Variants in DPYD observed in about 807,000 individuals in gnomAD.
DPYD encodes the protein dihydropyrimidine dehydrogenase [NADP(+)].
DPYD carries 109 observed loss-of-function variants against 116.2 expected under a neutral mutation model. The ratio of observed to expected loss-of-function variants is 0.94; its 90% confidence interval spans 0.80 to 1.10. DPYD has a LOEUF of 1.10. Ranked by LOEUF, DPYD falls within the 50% of genes least tolerant of loss-of-function variation. The pLI is 0.00. For missense variants in DPYD, 1,302 were observed against 1,254.5 expected (o/e 1.04, Z -0.57); for synonymous variants, 440 against 432.0 (o/e 1.02, Z -0.23).
At chr1:97,348,806 C>T (rs552107637) in intron 16 of DPYD, among the ~76,000 whole-genome samples, 37 of 152,010 alleles carry the variant, frequency 2.4e-4, no homozygotes, top group African/African-American at 7.2e-4. Flanking sequence ...ATGCAGTTGG[C>T]GGACAGAAGG....
At position 97,740,460 on chromosome 1, in the gene DPYD, C is replaced by A. The variant is rs757342874; in HGVS notation, c.253G>T (p.Ala85Ser). The A allele has an allele frequency of 3.1e-6, 5 of 1,612,908 alleles. No individual in the cohort carries two copies. The highest frequency in any genetic ancestry group is 3.4e-6 in the Non-Finnish European group (4 of 1,179,350). ...GTTGGACAGCTCTTCTGACACGGGG[C>A]ATCTGCACATTTCAGGCATCTAGGA... ...EAMRCLKCAD[A>S]PCQKSCPTNL... The change falls in exon 4 of 23, where the codon GCC becomes TCC. Residue 85 changes from alanine to serine, a missense_variant. Physicochemically the swap from Ala to Ser is moderately conservative, Grantham distance 99. Transcript: ENST00000370192.
chr1:97,203,459 C>A (rs1310134146), intron 19 of DPYD, among the ~76,000 whole-genome samples: 2 of 137,374 alleles, frequency 1.5e-5, no homozygotes, highest in Non-Finnish European at 3.1e-5. Context: ...AGGGGAATAT[C>A]ACACTCTGGG....
At chr1:97,667,784 T>A (rs1006495019) in intron 8 of DPYD, among the ~76,000 whole-genome samples, 1 of 152,148 alleles carries the variant, frequency 6.6e-6, no homozygotes, top group Non-Finnish European at 1.5e-5. Flanking sequence ...GGGAGCATTA[T>A]TCCCAATATC....
chr1:97,322,199 C>G (rs1238063421), intron 16 of DPYD, among the ~76,000 whole-genome samples: 1 of 142,838 alleles, frequency 7.0e-6, no homozygotes, highest in East Asian at 2.1e-4. Flanking sequence ...CTAACCTGCA[C>G]AATGTGCACA....
intron 20 of DPYD, among the ~76,000 whole-genome samples, chr1:97,135,909 A>T (rs1412136529): frequency 6.6e-6 from 1 of 152,162 alleles, no homozygotes; most frequent in Non-Finnish European, 1.5e-5. Flanking sequence ...ATTCCTCTAC[A>T]ATGGACTATG....
chr1:97,566,514 A>G (rs1418846908), intron 11 of DPYD, among the ~76,000 whole-genome samples: 3 of 152,168 alleles, frequency 2.0e-5, no homozygotes, highest in Non-Finnish European at 4.4e-5. Context: ...TTAATCCTTA[A>G]TAAGTCCCTT....
intron 3 of DPYD, among the ~76,000 whole-genome samples, chr1:97,810,624 G>A (rs371215858): frequency 1.3e-5 from 2 of 151,928 alleles, no homozygotes; most frequent in South Asian, 2.1e-4. Context: ...CATTACTTGA[G>A]CTCTAATATC....
chr1:97,133,077 C>G (rs1653458258), intron 20 of DPYD, among the ~76,000 whole-genome samples: 2 of 151,796 alleles, frequency 1.3e-5, no homozygotes, highest in Non-Finnish European at 1.5e-5. Flanking sequence ...TTTCTAGGTT[C>G]TTTTTTAGAT....
At chr1:97,619,701 T>A (rs1483461119) in intron 8 of DPYD, among the ~76,000 whole-genome samples, 1 of 152,204 alleles carries the variant, frequency 6.6e-6, no homozygotes, top group East Asian at 1.9e-4. Flanking sequence ...TTCCTTGCTC[T>A]TGGTATCTTT....
chr1:97,452,535 T>C (rs1676474369), intron 13 of DPYD, among the ~76,000 whole-genome samples: 1 of 152,036 alleles, frequency 6.6e-6, no homozygotes, highest in Non-Finnish European at 1.5e-5. Flanking sequence ...TTTGATATAG[T>C]TTGGATGTAT....
At chr1:97,832,045 T>TTGTGTGTG (rs35795641) in intron 2 of DPYD, among the ~76,000 whole-genome samples, 26,479 of 133,744 alleles carry the variant, frequency 0.2, 3,098 homozygotes, top group East Asian at 0.31. Context: ...ATATAATGTA[T>TTGTGTGTG]TGTGTGTGTG....
intron 16 of DPYD, among the ~76,000 whole-genome samples, chr1:97,345,911 C>T (rs1436290249): frequency 1.3e-5 from 2 of 151,794 alleles, no homozygotes; most frequent in Admixed American, 1.3e-4. Context: ...TTTTACAAGA[C>T]TTTCCCAACA....
At chr1:97,557,308 C>CTTTTTTTT (rs796245332) in intron 11 of DPYD, among the ~76,000 whole-genome samples, 18 of 107,158 alleles carry the variant, frequency 1.7e-4, no homozygotes, top group African/African-American at 6.0e-4. Flanking sequence ...TTTTTCTTTT[C>CTTTTTTTT]TTTTTTTTTT....
chr1:97,148,705 A>T (rs1654805869), intron 20 of DPYD, among the ~76,000 whole-genome samples: 1 of 152,182 alleles, frequency 6.6e-6, no homozygotes, highest in Non-Finnish European at 1.5e-5. Flanking sequence ...AAATGTCATA[A>T]TAATGTCATC....
At chr1:97,105,646 T>C (rs1473239388) in intron 20 of DPYD, among the ~76,000 whole-genome samples, 1 of 152,060 alleles carries the variant, frequency 6.6e-6, no homozygotes, top group Non-Finnish European at 1.5e-5. Context: ...TCTGGGGATT[T>C]GGTAGCAATT....
At chr1:97,360,857 G>A (rs199977914) in intron 16 of DPYD, among the ~76,000 whole-genome samples, 1 of 152,138 alleles carries the variant, frequency 6.6e-6, no homozygotes, top group South Asian at 2.1e-4. Context: ...AAGCAGGAAA[G>A]ATCCAAAACT....
chr1:97,915,764 T>C (rs1674179909), intron 1 of DPYD, among the ~76,000 whole-genome samples: 4 of 152,196 alleles, frequency 2.6e-5, no homozygotes, highest in Admixed American at 2.6e-4. Flanking sequence ...CTCTGCAACA[T>C]ATTTGTCATG....
intron 13 of DPYD, chr1:97,514,112 CA>C: frequency 3.9e-6 from 3 of 764,766 alleles, no homozygotes; most frequent in Non-Finnish European, 4.8e-6. Context: ...TTTGAACCAG[CA>C]TCACACACTT....
chr1:97,573,675 A>T (rs2102181097), intron 11 of DPYD, 85 bp downstream of exon 11: 2 of 1,556,656 alleles, frequency 1.3e-6, no homozygotes, highest in Non-Finnish European at 1.8e-6. Flanking sequence ...TTTAAAGTGA[A>T]AAACAATTCC....
Sources: allele counts gnomAD v4.1 joint callset (sites outside exome capture counted in the v4.1 genomes callset), GRCh38; gene constraint gnomAD v4.1.1; transcripts MANE v1.5; gene names NCBI Gene and HGNC (gene_info 2026-07-23, HGNC 2026-07-21).